Variants in ADGRV1 observed in about 807,000 individuals in gnomAD.
ADGRV1 encodes adhesion G protein-coupled receptor V1.
Under a neutral mutation model 596.2 loss-of-function variants are expected in ADGRV1, and 359 were observed. That is an observed-to-expected ratio of 0.60 (90% CI 0.55 to 0.66). ADGRV1 has a LOEUF of 0.66. Ranked by LOEUF, ADGRV1 falls within the 30% of genes least tolerant of loss-of-function variation. The pLI, the probability that ADGRV1 is intolerant of heterozygous loss-of-function variation, is 0.00. For missense variants in ADGRV1, 7,274 were observed against 7,575.6 expected (o/e 0.96, Z 1.48); for synonymous variants, 2,681 against 2,679.2 (o/e 1.00, Z -0.02).
At chr5:91,120,741 G>T (rs762721741) in intron 87 of ADGRV1, among the ~76,000 whole-genome samples, 2 of 152,262 alleles carry the variant, frequency 1.3e-5, no homozygotes, top group South Asian at 4.2e-4. Flanking sequence ...GCTCCACCTG[G>T]CTCAGTACTA....
intron 87 of ADGRV1, among the ~76,000 whole-genome samples, chr5:91,106,771 G>A (rs963714158): frequency 1.3e-5 from 2 of 152,220 alleles, no homozygotes; most frequent in African/African-American, 4.8e-5. Context: ...GGAATAAGCA[G>A]TGAAGTTGGT....
At chr5:90,831,864 T>C (rs1053518357) in intron 77 of ADGRV1, among the ~76,000 whole-genome samples, 1 of 152,210 alleles carries the variant, frequency 6.6e-6, no homozygotes, top group East Asian at 1.9e-4. Flanking sequence ...TCACTTAACA[T>C]AATAACCTCC....
intron 85 of ADGRV1, among the ~76,000 whole-genome samples, chr5:90,996,059 T>G (rs1581741381): frequency 6.6e-6 from 1 of 152,232 alleles, no homozygotes; most frequent in East Asian, 1.9e-4. Flanking sequence ...ATTTGCAGCC[T>G]GGCTATGAGG....
At chr5:90,976,314 GTGTGTGTGTATATA>G (rs1372293783) in intron 84 of ADGRV1, among the ~76,000 whole-genome samples, 4 of 123,380 alleles carry the variant, frequency 3.2e-5, no homozygotes, top group African/African-American at 1.3e-4. Context: ...GTGTGTGTGT[GTGTGTGTGTATATA>G]TATATATATA....
At chr5:91,130,233 T>C (rs534786256) in intron 87 of ADGRV1, among the ~76,000 whole-genome samples, 34 of 64,540 alleles carry the variant, frequency 5.3e-4, no homozygotes, top group African/African-American at 1.0e-3. Flanking sequence ...TATTTCTAAA[T>C]TGAAAAAAAA....
At chr5:90,839,372 GC>G (rs1390381013) in intron 77 of ADGRV1, among the ~76,000 whole-genome samples, 2 of 152,044 alleles carry the variant, frequency 1.3e-5, no homozygotes, top group African/African-American at 2.4e-5. Flanking sequence ...TTGCCACCAT[GC>G]CCGGCTAATT....
chr5:91,077,739 G>C (rs1223410007), intron 86 of ADGRV1, among the ~76,000 whole-genome samples: 2 of 152,182 alleles, frequency 1.3e-5, no homozygotes, highest in African/African-American at 4.8e-5. Context: ...CAGTGAGAAT[G>C]AGTTATGATA....
chr5:90,848,721 A>G lies in ADGRV1; in HGVS notation c.17104A>G (p.Lys5702Glu). 6.3e-7 allele frequency: 1 copy of G among 1,587,832 alleles called. No individual in the cohort carries two copies. Among genetic ancestry groups the G allele is most frequent in the African/African-American group, 1.4e-5 (1 of 73,586 alleles). Residue 5702 changes from lysine (K) to glutamate (E), a missense_variant, in exon 79 of 90, where the codon AAG becomes GAG. This residue lies in a region of ADGRV1 where 1,874 missense variants were observed against 1,970.2 expected (regional missense o/e 0.95). Coordinates refer to ENST00000405460, the MANE Select transcript of ADGRV1 (RefSeq NM_032119.4). ...YEILCSLINPKRKDTRGFSHF... is the reference protein window; with the variant it reads ...YEILCSLINPERKDTRGFSHF... ...GATTCTTTGTTCTCTTATTAACCCAAAGCGCAAGGACACTAGGGGATTCAG... is the reference window on the plus strand; with the variant it reads ...GATTCTTTGTTCTCTTATTAACCCAGAGCGCAAGGACACTAGGGGATTCAG...
intron 85 of ADGRV1, among the ~76,000 whole-genome samples, chr5:91,059,679 C>T (rs1489993870): frequency 6.6e-6 from 1 of 152,134 alleles, no homozygotes. Flanking sequence ...GGGAATTCCC[C>T]ATAAAGTGGA....
At chr5:90,770,298 A>G (rs1201952580) in intron 59 of ADGRV1, among the ~76,000 whole-genome samples, 2 of 152,166 alleles carry the variant, frequency 1.3e-5, no homozygotes, top group Non-Finnish European at 2.9e-5. Flanking sequence ...ACCACTGGAA[A>G]AAACCCACCC....
chr5:91,111,090 G>A (rs1792324201), intron 87 of ADGRV1, among the ~76,000 whole-genome samples: 1 of 152,084 alleles, frequency 6.6e-6, no homozygotes, highest in Admixed American at 6.6e-5. Context: ...CTAAATGGTT[G>A]GGAAATAAGT....
intron 57 of ADGRV1, among the ~76,000 whole-genome samples, chr5:90,757,444 A>T (rs1378968167): frequency 6.6e-6 from 1 of 152,212 alleles, no homozygotes; most frequent in African/African-American, 2.4e-5. Flanking sequence ...AGAAGTGCCT[A>T]ACAATGTATA....
intron 86 of ADGRV1, among the ~76,000 whole-genome samples, chr5:91,099,446 C>G (rs1365515509): frequency 1.3e-5 from 2 of 152,120 alleles, no homozygotes; most frequent in Non-Finnish European, 2.9e-5. Flanking sequence ...GTGTCAGAAG[C>G]CAATCGTTGT....
chr5:90,805,487 C>G, intron 72 of ADGRV1, 29 bp downstream of exon 72: 1 of 1,522,932 alleles, frequency 6.6e-7, no homozygotes, highest in Non-Finnish European at 8.9e-7. Flanking sequence ...AAGATGAGTC[C>G]TGTAGAATAT....
At chr5:90,802,190 GT>G (rs987382650) in intron 70 of ADGRV1, among the ~76,000 whole-genome samples, 3 of 151,748 alleles carry the variant, frequency 2.0e-5, no homozygotes, top group Admixed American at 6.6e-5. Flanking sequence ...GAAAATTTGT[GT>G]TTTTTTTGTT....
intron 11 of ADGRV1, among the ~76,000 whole-genome samples, chr5:90,639,532 A>G (rs1766704547): frequency 6.6e-6 from 1 of 152,166 alleles, no homozygotes; most frequent in Non-Finnish European, 1.5e-5. Flanking sequence ...TTCTTTTTCT[A>G]TCCCCTATGG....
intron 1 of ADGRV1, among the ~76,000 whole-genome samples, chr5:90,573,822 G>A (rs1756853369): frequency 6.6e-6 from 1 of 152,200 alleles, no homozygotes; most frequent in Non-Finnish European, 1.5e-5. Context: ...TAATTTGTCA[G>A]ATATTGTTCA....
rs961512188 is a variant in ADGRV1, at chr5:90,736,643, T to C, written c.10549+6879T>C. ...TCGTTTTATGACTGATTTAATTTCC[T>C]TACTCATTATTGATCTGCTTAGGTT... On this transcript the variant is annotated intron_variant, in intron 50 of 89. Transcript: ENST00000405460. Among the ~76,000 whole-genome samples the C allele has an allele frequency of 1.7e-4, 26 of 152,110 alleles. 1 individual carries two copies. Among genetic ancestry groups the C allele is most frequent in the African/African-American group, 5.3e-4 (22 of 41,558 alleles).
At position 91,131,560 on chromosome 5, in the gene ADGRV1, C is replaced by T. The variant is rs377651325; in HGVS notation, c.18433-18470C>T. 2.6e-5 allele frequency among the ~76,000 whole-genome samples: 4 copies of T among 152,040 alleles called. No individual in the cohort carries two copies. The South Asian group carries it at 8.3e-4, about 32-fold the overall frequency. On this transcript the variant is annotated intron_variant, in intron 87 of 89. Coordinates refer to ENST00000405460, the MANE Select transcript of ADGRV1 (RefSeq NM_032119.4). ...CTGCCTTCTGGGTTCAGGGGATTCT[C>T]CCTCCACAACCTTGCCAGTAGCTGG...
Sources: allele counts gnomAD v4.1 joint callset (sites outside exome capture counted in the v4.1 genomes callset), GRCh38; gene constraint gnomAD v4.1.1; regional missense constraint gnomAD v4.1.1; transcripts MANE v1.5; gene names NCBI Gene and HGNC (gene_info 2026-07-23, HGNC 2026-07-21).